PPAN: variants seen among roughly 807,000 people sequenced by gnomAD.
PPAN encodes the protein suppressor of SWI4 1 homolog.
A neutral mutation model predicts 48.5 loss-of-function variants in PPAN; 39 were observed. The ratio of observed to expected loss-of-function variants is 0.80; its 90% CI spans 0.62 to 1.05. The LOEUF (loss-of-function observed/expected upper bound fraction) is 1.05. Among genes scored for constraint, PPAN ranks in the 50% least tolerant of loss-of-function variants. The pLI, the probability that PPAN is intolerant of heterozygous loss-of-function variation, is 0.00. For synonymous variants in PPAN, 315 were observed against 268.6 expected (o/e 1.17, Z -1.69); for missense variants, 736 against 661.7 (o/e 1.11, Z -1.23).
rs376056026 is a variant in PPAN, at chr19:10,107,645, C to G, written c.291+39C>G. On this transcript the variant is annotated intron_variant, in intron 3 of 11. Coordinates refer to ENST00000253107, the MANE Select transcript of PPAN (RefSeq NM_020230.7). Reference sequence around the variant, plus strand: ...CTCACCCTTCATCTCCCCCAGACCCCCCCTTCCCCTATCTCTCATGATGAA... The same window carrying G: ...CTCACCCTTCATCTCCCCCAGACCCGCCCTTCCCCTATCTCTCATGATGAA... The G allele has an allele frequency of 9.9e-6, 16 of 1,610,386 alleles. No homozygotes were observed. The South Asian group carries it at 1.8e-4, about 18-fold the overall frequency.
chr19:10,110,425 T>TA lies in PPAN; in HGVS notation c.901+23_901+24insA. On this transcript the variant is annotated intron_variant, in intron 9 of 11. Transcript: ENST00000253107. This position sits in a 1 kb window ranked among gnomAD's most constrained non-coding sequence, Gnocchi z 5.9. ...TTGGTGAGGCCGGGGCCGCCGGGGG[T>TA]GGGGGGTCATGGGTGTGGAGCTGCA... The TA allele has an allele frequency of 6.2e-7, 1 of 1,608,846 alleles. No individual in the cohort carries two copies. Among genetic ancestry groups the TA allele is most frequent in the South Asian group, 1.1e-5 (1 of 90,584 alleles).
chr19:10,111,400 T>TC lies in PPAN; in HGVS notation c.*237dup. 1.5e-6 allele frequency: 1 copy of TC among 652,248 alleles called. No individual in the cohort carries two copies. Among genetic ancestry groups the TC allele is most frequent in the Non-Finnish European group, 2.6e-6 (1 of 386,370 alleles). The allele number at this position is 652,248 out of a possible 1,614,324, so 40.4% of individuals were successfully genotyped here. On this transcript the variant is annotated 3_prime_UTR_variant, in exon 12 of 12. Transcript: ENST00000253107. ...CGAGAGTCCCTCCCACCTGGTTTCTTCCTGGAAGCTGGGTCTCTCCCCTAC... is the reference window on the plus strand; with the variant it reads ...CGAGAGTCCCTCCCACCTGGTTTCTTCCCTGGAAGCTGGGTCTCTCCCCTAC...
chr19:10,108,909 A>G (rs1465236601), intron 5 of PPAN, among the ~76,000 whole-genome samples: 2 of 151,618 alleles, frequency 1.3e-5, no homozygotes, highest in East Asian at 1.9e-4. Flanking sequence ...TATATATAAG[A>G]TATCAGTCAT....
Position 10,110,877 on chromosome 19 carries a change from G to C in PPAN, c.1201+11G>C. On this transcript the variant is annotated intron_variant, in intron 11 of 11. Transcript: ENST00000253107. The surrounding 1 kb of genome is among the most constrained non-coding windows in gnomAD (Gnocchi z 5.9). ...AGGCGCCCAGTGAGGGTATGGAGTG[G>C]GGTCTGCAGCAGGGCACCCAGAGCC... is the stretch of plus-strand genomic sequence containing the variant. 6.2e-7 allele frequency: 1 copy of C among 1,613,470 alleles called. No homozygotes were observed. The highest frequency in any genetic ancestry group is 1.1e-5 in the South Asian group (1 of 91,066).
intron 5 of PPAN, among the ~76,000 whole-genome samples, chr19:10,109,256 G>A (rs1223293172): frequency 6.6e-6 from 1 of 152,012 alleles, no homozygotes; most frequent in Non-Finnish European, 1.5e-5. Flanking sequence ...ACCGTGCCCG[G>A]CCTTCTTTAC....
chr19:10,111,615 C>T lies in PPAN; in HGVS notation c.*450C>T. 7.7e-6 allele frequency: 11 copies of T among 1,426,114 alleles called. No homozygotes were observed. The highest frequency in any genetic ancestry group is 1.1e-5 in the Non-Finnish European group (11 of 1,015,604). 88.3% of individuals were successfully genotyped at this position (1,426,114 alleles called of 1,614,324 possible). On this transcript the variant is annotated 3_prime_UTR_variant, in exon 12 of 12. Coordinates refer to ENST00000253107, the MANE Select transcript of PPAN (RefSeq NM_020230.7). The stretch of plus-strand genomic sequence containing the variant: ...ACGCTGGCCTGCTCTGCTGGCTGGG[C>T]CAGTAACTGGGGATGGGGCTGGGGC...
rs2089098769 is a variant in PPAN, at chr19:10,112,004, G to C, written c.*839G>C. Reference sequence around the variant, plus strand: ...ACATGCCTGTAATCCCAGCTACTCGGGAGGCTGAGACAAGAGAATCACTTA... The same window carrying C: ...ACATGCCTGTAATCCCAGCTACTCGCGAGGCTGAGACAAGAGAATCACTTA... On this transcript the variant is annotated 3_prime_UTR_variant, in exon 12 of 12. Transcript: ENST00000253107. 2.3e-6 allele frequency: 1 copy of C among 439,242 alleles called. No individual in the cohort carries two copies. Among genetic ancestry groups the C allele is most frequent in the South Asian group, 2.5e-5 (1 of 40,270 alleles). 27.2% of individuals were successfully genotyped at this position (439,242 alleles called of 1,614,324 possible). A position where few individuals can be genotyped will look rare whatever the true frequency, so the allele number is the denominator to read the frequency against.
At position 10,111,452 on chromosome 19, in the gene PPAN, G is replaced by A. The variant is rs146678879; in HGVS notation, c.*287G>A. ...CTGCACGGGGTTGGTTTCATTGGTGGCAGCAGCAGCCATGAGTGGCCCCTC... is the reference window on the plus strand; with the variant it reads ...CTGCACGGGGTTGGTTTCATTGGTGACAGCAGCAGCCATGAGTGGCCCCTC... On this transcript the variant is annotated 3_prime_UTR_variant, in exon 12 of 12. Transcript: ENST00000253107. 729 of 620,684 alleles carry A rather than the reference G, an allele frequency of 1.2e-3. 5 individuals carry two copies. Among genetic ancestry groups the A allele is most frequent in the South Asian group, 6.4e-3 (328 of 50,862 alleles). 38.4% of individuals were successfully genotyped at this position (620,684 alleles called of 1,614,324 possible).
chr19:10,110,221 A>G lies in PPAN; in HGVS notation c.797A>G (p.Gln266Arg). 6.2e-7 allele frequency: 1 copy of G among 1,611,460 alleles called. No homozygotes were observed. The highest frequency in any genetic ancestry group is 8.5e-7 in the Non-Finnish European group (1 of 1,179,772). ...GCTGGCCGTGGCAACATGCGGGCCCAGCAGAGTGCAGTGCGGCTCACCGAG... is the reference window on the plus strand; with the variant it reads ...GCTGGCCGTGGCAACATGCGGGCCCGGCAGAGTGCAGTGCGGCTCACCGAG... ...AVAGRGNMRA[Q>R]QSAVRLTEIG... Residue 266 changes from glutamine to arginine, a missense_variant, in exon 8 of 12, where the codon CAG becomes CGG. By Grantham distance (43) the Gln-to-Arg change is conservative. Coordinates refer to ENST00000253107, the MANE Select transcript of PPAN (RefSeq NM_020230.7). This position sits in a 1 kb window ranked among gnomAD's most constrained non-coding sequence, Gnocchi z 5.9.
chr19:10,110,875 T>C lies in PPAN; in HGVS notation c.1201+9T>C. 1 of 1,610,804 alleles carries C rather than the reference T, an allele frequency of 6.2e-7. No individual in the cohort carries two copies. Among genetic ancestry groups the C allele is most frequent in the Non-Finnish European group, 8.5e-7 (1 of 1,179,134 alleles). On this transcript the variant is annotated intron_variant, in intron 11 of 11. Coordinates refer to ENST00000253107, the MANE Select transcript of PPAN (RefSeq NM_020230.7). This position sits in a 1 kb window ranked among gnomAD's most constrained non-coding sequence, Gnocchi z 5.9. The stretch of plus-strand genomic sequence containing the variant: ...CGAGGCGCCCAGTGAGGGTATGGAG[T>C]GGGGTCTGCAGCAGGGCACCCAGAG...
chr19:10,108,450 T>C (rs995049115), intron 5 of PPAN, among the ~76,000 whole-genome samples: 1 of 152,006 alleles, frequency 6.6e-6, no homozygotes, highest in African/African-American at 2.4e-5. Flanking sequence ...GGCCCTGTTT[T>C]ACAGAGGGAA....
At chr19:10,106,435 G>C in intron 1 of PPAN, 23 bp downstream of exon 1, 2 of 1,546,964 alleles carry the variant, frequency 1.3e-6, no homozygotes, top group Non-Finnish European at 1.7e-6. Context: ...AGCTTGGGAG[G>C]CAGGTGGCGC....
At position 10,110,604 on chromosome 19, in the gene PPAN, G is replaced by A; in HGVS notation, c.1021G>A (p.Glu341Lys). ...QNVQRKQEQR[E>K]AHRKKSLEGM... ...TGTGCAGCGCAAGCAGGAGCAGCGG[G>A]AGGCCCACAGGTCCAGGCAGAGCTG... Residue 341 changes from glutamate to lysine, a missense_variant, in exon 10 of 12, where the codon GAG (glutamate) becomes AAG (lysine). Transcript: ENST00000253107. This position sits in a 1 kb window ranked among gnomAD's most constrained non-coding sequence, Gnocchi z 5.9. 1 of 1,604,964 alleles carries A rather than the reference G, an allele frequency of 6.2e-7. No homozygotes were observed. Among genetic ancestry groups the A allele is most frequent in the African/African-American group, 1.3e-5 (1 of 74,894 alleles).
At chr19:10,107,743 G>A (rs781430885) in intron 3 of PPAN, 61 bp from the exon 4 acceptor site, 2 of 1,612,838 alleles carry the variant, frequency 1.2e-6, no homozygotes, top group Middle Eastern at 1.7e-4. Context: ...GGGCAAAGGT[G>A]CCTACTCCGG....
At position 10,106,584 on chromosome 19, in the gene PPAN, C is replaced by G. The variant is rs761656993; in HGVS notation, c.102C>G (p.Phe34Leu). The G allele has an allele frequency of 9.7e-6, 15 of 1,552,446 alleles. No individual in the cohort carries two copies. Among genetic ancestry groups the G allele is most frequent in the African/African-American group, 1.4e-5 (1 of 73,406 alleles). Residue 34 changes from phenylalanine (F) to leucine (L), a missense_variant, in exon 2 of 12, where the codon TTC (phenylalanine) becomes TTG (leucine). Transcript: ENST00000253107. The part of the protein sequence containing the change: ...AYAANPHSFV[F>L]TRGCTGRNIR... ...CCGCGAACCCGCACTCGTTCGTGTT[C>G]ACGCGAGGCTGCACGGGTCGCAACA...
chr19:10,108,111 T>A lies in PPAN; in HGVS notation c.490T>A (p.Phe164Ile). The change falls in exon 5 of 12, where the codon TTC (phenylalanine) becomes ATC (isoleucine). Residue 164 changes from phenylalanine (F) to isoleucine (I), a missense_variant. Coordinates refer to ENST00000253107, the MANE Select transcript of PPAN (RefSeq NM_020230.7). The part of the protein sequence containing the change: ...KLMATMFQNL[F>I]PSINVHKVNL... ...CATGGCCACCATGTTCCAGAACCTG[T>A]TCCCCTCCATCAACGTGCACAAGGT... 6.2e-7 allele frequency: 1 copy of A among 1,612,598 alleles called. No individual in the cohort carries two copies. The highest frequency in any genetic ancestry group is 8.5e-7 in the Non-Finnish European group (1 of 1,179,112).
rs2089005599 is a variant in PPAN at position 10,110,359 on chromosome 19, C to G, written c.858C>G (p.Val286=). 1 of 1,613,774 alleles carries G rather than the reference C, an allele frequency of 6.2e-7. No homozygotes were observed. The highest frequency in any genetic ancestry group is 8.5e-7 in the Non-Finnish European group (1 of 1,179,972). ...GGATGACACTGCAGCTCATCAAGGT[C>G]CAGGAGGGCGTCGGGGAGGGCAAAG... ...GPRMTLQLIK[V]QEGVGEGKVM... is the part of the protein sequence containing the mutation. The change falls in exon 9 of 12, where the codon GTC becomes GTG. Residue 286 remains valine, a synonymous_variant. Transcript: ENST00000253107. The surrounding 1 kb of genome is among the most constrained non-coding windows in gnomAD (Gnocchi z 5.9).
chr19:10,107,473 A>G lies in PPAN; in HGVS notation c.190-32A>G, dbSNP rs867270929. On this transcript the variant is annotated intron_variant, in intron 2 of 11. Transcript: ENST00000253107. ...TAGTTGTCACAACAAGGGATAAGCT[A>G]TGTTTTCTTTTTTTCTTTTTGTCAT... is the stretch of plus-strand genomic sequence containing the variant. 24 of 1,606,190 alleles carry G rather than the reference A, an allele frequency of 1.5e-5. 1 individual carries two copies. The highest frequency in any genetic ancestry group is 4.4e-5 in the South Asian group (4 of 90,948).
At chr19:10,106,705 C>T (rs1254725182) in intron 2 of PPAN, 34 bp downstream of exon 2, 1 of 1,504,194 alleles carries the variant, frequency 6.6e-7, no homozygotes, top group South Asian at 1.2e-5. Flanking sequence ...CCTCCACCCA[C>T]CCTCGGCCTA....
Sources: gnomAD v4.1 joint callset for allele counts (sites outside exome capture counted in the v4.1 genomes callset) on GRCh38, gnomAD v4.1.1 for gene constraint, Gnocchi (gnomAD v3.1) non-coding constraint, MANE v1.5 for transcripts, NCBI Gene and HGNC (gene_info 2026-07-23, HGNC 2026-07-21) for gene names.